Variants in KAT6B observed in about 807,000 individuals in gnomAD.
KAT6B encodes the protein histone acetyltransferase KAT6B.
In KAT6B, 10 loss-of-function variants were observed where a neutral mutation model predicts 187.5. That is an observed-to-expected ratio of 0.05 (90% confidence interval 0.03 to 0.09). The LOEUF (loss-of-function observed/expected upper bound fraction) is 0.09, where lower values mean the gene tolerates loss of function less well. Ranked by LOEUF, KAT6B falls within the 10% of genes least tolerant of loss-of-function variation. The pLI is 1.00. For synonymous variants in KAT6B, 861 were observed against 926.8 expected (o/e 0.93, Z 1.29); for missense variants, 1,952 against 2,558.9 (o/e 0.76, Z 5.12).
intron 3 of KAT6B, among the ~76,000 whole-genome samples, chr10:74,905,850 C>CT (rs1026679261): frequency 3.3e-5 from 5 of 152,212 alleles, no homozygotes; most frequent in South Asian, 2.1e-4. Flanking sequence ...TGCCTGCACT[C>CT]TGAGTGGACC....
At chr10:74,944,183 C>T (rs1486100730) in intron 3 of KAT6B, among the ~76,000 whole-genome samples, 8 of 152,200 alleles carry the variant, frequency 5.3e-5, no homozygotes, top group Admixed American at 3.9e-4. Context: ...ACTGGACCTT[C>T]GGAATTTCCC....
chr10:75,031,158 T>A lies in KAT6B; in HGVS notation c.*112T>A. ...AGCAATTGGTGTGAATGCAAAAACA[T>A]TTGTTGGCACCATTTATTTAAAAAA... On this transcript the variant is annotated 3_prime_UTR_variant, in exon 18 of 18. Coordinates refer to ENST00000287239, the MANE Select transcript of KAT6B (RefSeq NM_012330.4). The A allele has an allele frequency of 8.3e-7, 1 of 1,210,890 alleles. No individual in the cohort carries two copies. Among genetic ancestry groups the A allele is most frequent in the African/African-American group, 1.6e-5 (1 of 62,592 alleles). The allele number at this position is 1,210,890 out of a possible 1,614,324, so 75.0% of individuals were successfully genotyped here.
At chr10:74,900,539 T>G (rs1846305660) in intron 3 of KAT6B, among the ~76,000 whole-genome samples, 1 of 152,210 alleles carries the variant, frequency 6.6e-6, no homozygotes, top group Non-Finnish European at 1.5e-5. Flanking sequence ...CCAGCGCACG[T>G]GTAGGAGCAG....
chr10:74,983,342 G>C (rs1256749777), intron 11 of KAT6B: 1 of 152,334 alleles, frequency 6.6e-6, no homozygotes, highest in African/African-American at 2.4e-5. Context: ...ATCCCCTGGG[G>C]GCGCAGAATC....
intron 13 of KAT6B, among the ~76,000 whole-genome samples, chr10:75,014,580 T>C (rs1037663899): frequency 6.6e-6 from 1 of 152,162 alleles, no homozygotes; most frequent in Non-Finnish European, 1.5e-5. Context: ...AAGCAAAAGC[T>C]CTCTGAGTGC....
At chr10:74,940,278 C>CT (rs988686640) in intron 3 of KAT6B, among the ~76,000 whole-genome samples, 3,000 of 142,086 alleles carry the variant, frequency 0.021, 29 homozygotes, top group African/African-American at 0.025. Context: ...TATTTTTCCC[C>CT]TTTTTTTTTT....
At chr10:74,950,234 A>G (rs989452897) in intron 3 of KAT6B, among the ~76,000 whole-genome samples, 3 of 152,240 alleles carry the variant, frequency 2.0e-5, no homozygotes, top group Non-Finnish European at 4.4e-5. Context: ...AATTGCAAGA[A>G]TAGCCATGGA....
chr10:74,833,937 G>T (rs1056381578), intron 1 of KAT6B, among the ~76,000 whole-genome samples: 1 of 152,212 alleles, frequency 6.6e-6, no homozygotes, highest in African/African-American at 2.4e-5. Context: ...TTGCTGCTGA[G>T]TTAGGCTCAT....
At chr10:74,879,837 G>A (rs189794230) in intron 3 of KAT6B, among the ~76,000 whole-genome samples, 243 of 152,270 alleles carry the variant, frequency 1.6e-3, no homozygotes, top group African/African-American at 5.7e-3. Context: ...GCTCACACCT[G>A]TAATCCCAGC....
Position 75,029,511 on chromosome 10 carries a change from G to A in KAT6B, c.4687G>A (p.Ala1563Thr). 1.2e-6 allele frequency: 2 copies of A among 1,614,136 alleles called. No individual in the cohort carries two copies. The highest frequency in any genetic ancestry group is 1.7e-6 in the Non-Finnish European group (2 of 1,180,034). Residue 1563 changes from alanine (A) to threonine (T), a missense_variant, in exon 18 of 18, where the codon GCC (alanine) becomes ACC (threonine). By Grantham distance (58) the Ala-to-Thr change is moderately conservative. Coordinates refer to ENST00000287239, the MANE Select transcript of KAT6B (RefSeq NM_012330.4). The surrounding 1 kb of genome is among the most constrained non-coding windows in gnomAD (Gnocchi z 6.2). ...SEQDDTFQDC[A>T]ETQEACRSLQ... ...ACAGGACGACACCTTTCAGGATTGT[G>A]CCGAGACTCAAGAGGCCTGTAGAAG...
intron 3 of KAT6B, among the ~76,000 whole-genome samples, chr10:74,955,063 A>G (rs1840578383): frequency 6.6e-6 from 1 of 152,144 alleles, no homozygotes; most frequent in Non-Finnish European, 1.5e-5. Flanking sequence ...AATTCCATGG[A>G]TGCTCAAGTC....
intron 3 of KAT6B, among the ~76,000 whole-genome samples, chr10:74,877,443 C>A (rs989816517): frequency 2.0e-5 from 3 of 152,118 alleles, no homozygotes; most frequent in Non-Finnish European, 4.4e-5. Flanking sequence ...GTTTTGTAGG[C>A]AGCTTCTGAA....
chr10:74,930,774 CT>C (rs1848814823), intron 3 of KAT6B, among the ~76,000 whole-genome samples: 1 of 152,126 alleles, frequency 6.6e-6, no homozygotes, highest in Non-Finnish European at 1.5e-5. Flanking sequence ...GAGTTTCCAT[CT>C]TTTTTCTCAA....
rs770111115 is a variant in KAT6B at position 75,030,918 on chromosome 10, C to A, written c.6094C>A (p.Pro2032Thr). The A allele has an allele frequency of 6.2e-7, 1 of 1,613,940 alleles. No homozygotes were observed. Among genetic ancestry groups the A allele is most frequent in the Non-Finnish European group, 8.5e-7 (1 of 1,180,024 alleles). ...QMQMGMMGTQPYAQQPMQTPP... is the reference protein window; with the variant it reads ...QMQMGMMGTQTYAQQPMQTPP... ...GCAGATGGGCATGATGGGCACCCAG[C>A]CATATGCCCAGCAGCCAATGCAGAC... The change falls in exon 18 of 18, where the codon CCA (proline) becomes ACA (threonine). Residue 2032 changes from proline (P) to threonine (T), a missense_variant. Transcript: ENST00000287239. This position sits in a 1 kb window ranked among gnomAD's most constrained non-coding sequence, Gnocchi z 4.8.
chr10:75,029,461 A>G lies in KAT6B; in HGVS notation c.4637A>G (p.Gln1546Arg). The change falls in exon 18 of 18, where the codon CAG (glutamine) becomes CGG (arginine). Residue 1546 changes from glutamine (Q) to arginine (R), a missense_variant. Coordinates refer to ENST00000287239, the MANE Select transcript of KAT6B (RefSeq NM_012330.4). This position sits in a 1 kb window ranked among gnomAD's most constrained non-coding sequence, Gnocchi z 6.2. ...EIDSETVQAV[Q>R]SLTQESSEQD... ...GACTCTGAGACTGTCCAGGCCGTTC[A>G]GTCTTTGACCCAGGAGAGCAGCGAA... 1 of 1,614,188 alleles carries G rather than the reference A, an allele frequency of 6.2e-7. No homozygotes were observed. The highest frequency in any genetic ancestry group is 8.5e-7 in the Non-Finnish European group (1 of 1,180,036).
intron 3 of KAT6B, among the ~76,000 whole-genome samples, chr10:74,869,646 G>A (rs865961179): frequency 6.6e-6 from 1 of 152,110 alleles, no homozygotes; most frequent in South Asian, 2.1e-4. Flanking sequence ...TCTCAACGAG[G>A]TCCCTTTTAT....
intron 3 of KAT6B, among the ~76,000 whole-genome samples, chr10:74,894,455 C>T (rs151111091): frequency 5.3e-5 from 8 of 152,222 alleles, no homozygotes; most frequent in Admixed American, 1.3e-4. Flanking sequence ...CCATCTTTGC[C>T]ATTTTTAAGT....
At position 74,919,199 on chromosome 10, in the gene KAT6B, G is replaced by A. The variant is rs571200658; in HGVS notation, c.622-40771G>A. ...GATCGCACCACTTCACTCCAGCCTG[G>A]GCAAAAGAGCAAAACTCCATATCTA... is the stretch of plus-strand genomic sequence containing the variant. On this transcript the variant is annotated intron_variant, in intron 3 of 17. Coordinates refer to ENST00000287239, the MANE Select transcript of KAT6B (RefSeq NM_012330.4). Among the ~76,000 whole-genome samples the A allele has an allele frequency of 9.9e-5, 15 of 152,002 alleles. No homozygotes were observed. In the East Asian group the frequency reaches 2.9e-3, roughly 29 times the overall value.
intron 8 of KAT6B, chr10:74,976,573 G>C: frequency 1.8e-6 from 1 of 559,496 alleles, no homozygotes; most frequent in East Asian, 3.1e-5. Flanking sequence ...CATTCGTAGT[G>C]ACACTAGGAC....
Sources: allele counts gnomAD v4.1 joint callset (sites outside exome capture counted in the v4.1 genomes callset), GRCh38; gene constraint gnomAD v4.1.1; non-coding constraint Gnocchi (gnomAD v3.1); transcripts MANE v1.5; gene names NCBI Gene and HGNC (gene_info 2026-07-23, HGNC 2026-07-21).